POU6F2: variants seen among roughly 807,000 people sequenced by gnomAD.
POU6F2 encodes POU domain, class 6, transcription factor 2.
POU6F2 carries 31 observed loss-of-function variants against 71.3 expected under a neutral mutation model. The ratio of observed to expected loss-of-function variants is 0.43; its 90% CI spans 0.33 to 0.59. POU6F2 has a LOEUF of 0.59. Ranked by LOEUF, POU6F2 falls within the 20% of genes least tolerant of loss-of-function variation. POU6F2 has a pLI of 0.04. For synonymous variants in POU6F2, 347 were observed against 355.7 expected (o/e 0.98, Z 0.27); for missense variants, 783 against 856.8 (o/e 0.91, Z 1.07).
At position 39,451,519 on chromosome 7, in the gene POU6F2, A is replaced by C; in HGVS notation, c.1321-14A>C. The C allele has an allele frequency of 6.3e-7, 1 of 1,589,680 alleles. No homozygotes were observed. Among genetic ancestry groups the C allele is most frequent in the Non-Finnish European group, 8.6e-7 (1 of 1,165,044 alleles). ...TCATTCATTTGTGTATTTTTTTTAC[A>C]TCCCCTCATGTAGCTCCACCAACCC... On this transcript the variant is annotated splice_polypyrimidine_tract_variant and intron_variant, in intron 7 of 9. Coordinates refer to ENST00000518318, the MANE Select transcript of POU6F2 (RefSeq NM_001370959.1).
At chr7:39,246,701 C>T (rs903129041) in intron 4 of POU6F2, among the ~76,000 whole-genome samples, 2 of 152,092 alleles carry the variant, frequency 1.3e-5, no homozygotes, top group Non-Finnish European at 2.9e-5. Flanking sequence ...TCCTCATCAT[C>T]CATGGTGTAA....
chr7:39,035,007 A>T (rs1449271160), intron 1 of POU6F2, among the ~76,000 whole-genome samples: 2 of 151,772 alleles, frequency 1.3e-5, no homozygotes, highest in African/African-American at 4.8e-5. Flanking sequence ...GGTCTTTCTG[A>T]TTGGAAGGTA....
At chr7:39,291,583 G>A (rs767985049) in intron 4 of POU6F2, among the ~76,000 whole-genome samples, 3 of 152,108 alleles carry the variant, frequency 2.0e-5, no homozygotes, top group Non-Finnish European at 4.4e-5. Flanking sequence ...TCTCACTCTA[G>A]TGGCAATTTC....
chr7:39,369,304 C>G (rs1359985149), intron 5 of POU6F2, among the ~76,000 whole-genome samples: 1 of 152,076 alleles, frequency 6.6e-6, no homozygotes, highest in Non-Finnish European at 1.5e-5. Flanking sequence ...CAAGACCCTC[C>G]ATCAGCAAAA....
At chr7:39,256,877 C>A (rs776782027) in intron 4 of POU6F2, among the ~76,000 whole-genome samples, 2 of 152,162 alleles carry the variant, frequency 1.3e-5, no homozygotes, top group Non-Finnish European at 2.9e-5. Context: ...CATAGCCCAG[C>A]CGACACTTGA....
chr7:39,343,258 C>T (rs1785957632), intron 5 of POU6F2, among the ~76,000 whole-genome samples: 1 of 152,140 alleles, frequency 6.6e-6, no homozygotes, highest in East Asian at 1.9e-4. Context: ...TCCTTGGGTG[C>T]CAGGATGGAG....
rs113886959 is a variant in POU6F2 at position 39,169,909 on chromosome 7, G to A, written c.278-34326G>A. Among the ~76,000 whole-genome samples the A allele has an allele frequency of 7.1e-3, 1,080 of 152,202 alleles. 9 individuals carry two copies. Among genetic ancestry groups the A allele is most frequent in the African/African-American group, 0.025 (1,033 of 41,536 alleles). On this transcript the variant is annotated intron_variant, in intron 2 of 9. Transcript: ENST00000518318. ...ATTGAATTCAAAGGTAAGGCTGGGCGCGGTGGCTCATGCCTGTAATCCCAG... is the reference window on the plus strand; with the variant it reads ...ATTGAATTCAAAGGTAAGGCTGGGCACGGTGGCTCATGCCTGTAATCCCAG...
In POU6F2 at chr7:39,433,079, TATCG is replaced by T. The variant is rs1339105647; in HGVS notation, c.1117_1120del (p.Ile373GlyfsTer5). ...TCACCTTTGGCCCTCTCTTGCAGAT[TATCG>T]GGACCATTCCACTGATGCCTAATCC... On this transcript the variant is annotated frameshift_variant, in exon 7 of 10. Coordinates refer to ENST00000518318, the MANE Select transcript of POU6F2 (RefSeq NM_001370959.1). LOFTEE classifies it high-confidence loss of function. 6.2e-7 allele frequency: 1 copy of T among 1,612,482 alleles called. No homozygotes were observed. The highest frequency in any genetic ancestry group is 8.5e-7 in the Non-Finnish European group (1 of 1,179,136).
At chr7:39,214,762 G>A (rs1161576522) in intron 4 of POU6F2, among the ~76,000 whole-genome samples, 1 of 152,168 alleles carries the variant, frequency 6.6e-6, no homozygotes, top group Non-Finnish European at 1.5e-5. Flanking sequence ...AGAGAAGAAG[G>A]CATGAGGAGA....
rs576264564 is a variant in POU6F2 at position 39,352,860 on chromosome 7, T to C, written c.972+12845T>C. 4.6e-5 allele frequency among the ~76,000 whole-genome samples: 7 copies of C among 152,220 alleles called. No individual in the cohort carries two copies. The South Asian group carries it at 1.5e-3, about 32-fold the overall frequency. The stretch of plus-strand genomic sequence containing the variant: ...GCTTCCATCACCCAGGTAATGAACA[T>C]AGTGCCCAAAAAAAGGAACTTTTGC... On this transcript the variant is annotated intron_variant, in intron 5 of 9. Coordinates refer to ENST00000518318, the MANE Select transcript of POU6F2 (RefSeq NM_001370959.1).
intron 4 of POU6F2, among the ~76,000 whole-genome samples, chr7:39,238,146 A>G (rs568070460): frequency 6.6e-6 from 1 of 152,292 alleles, no homozygotes; most frequent in African/African-American, 2.4e-5. Flanking sequence ...AGAGCACTGG[A>G]TTCAAATCAC....
intron 2 of POU6F2, among the ~76,000 whole-genome samples, chr7:39,125,978 G>A (rs932082445): frequency 7.2e-5 from 11 of 152,174 alleles, no homozygotes; most frequent in Non-Finnish European, 1.6e-4. Flanking sequence ...CTCCTGAATG[G>A]TGCCTGTCTC....
chr7:39,168,259 C>G (rs923348224), intron 2 of POU6F2, among the ~76,000 whole-genome samples: 6 of 152,032 alleles, frequency 3.9e-5, no homozygotes, highest in African/African-American at 1.4e-4. Flanking sequence ...TAAAATTGTC[C>G]GAACATTTTT....
chr7:39,449,588 C>T (rs1406060447), intron 7 of POU6F2, among the ~76,000 whole-genome samples: 1 of 152,088 alleles, frequency 6.6e-6, no homozygotes, highest in East Asian at 1.9e-4. Context: ...AATAGTTCCA[C>T]TCCTAGGTAT....
At position 39,451,552 on chromosome 7, in the gene POU6F2, C is replaced by T. The variant is rs374384343; in HGVS notation, c.1340C>T (p.Thr447Met). 21 of 1,613,434 alleles carry T rather than the reference C, an allele frequency of 1.3e-5. No individual in the cohort carries two copies. The highest frequency in any genetic ancestry group is 1.7e-5 in the Non-Finnish European group (20 of 1,179,684). The change falls in exon 8 of 10, where the codon ACG (threonine) becomes ATG (methionine). Residue 447 changes from threonine (T) to methionine (M), a missense_variant. Physicochemically the swap from Thr to Met is moderately conservative, Grantham distance 81. This residue lies in a region of POU6F2 where 572 missense variants were observed against 572.9 expected (regional missense o/e 1.00). Coordinates refer to ENST00000518318, the MANE Select transcript of POU6F2 (RefSeq NM_001370959.1). ...ATGTAGCTCCACCAACCCTCCCAGA[C>T]GTCAGTGGGTCAAGCAGCCTCCCAA... Reference protein sequence around the residue: ...PGQQLHQPSQTSVGQAASQGN... With the variant: ...PGQQLHQPSQMSVGQAASQGN...
At position 39,116,033 on chromosome 7, in the gene POU6F2, G is replaced by A. The variant is rs373215200; in HGVS notation, c.277+30002G>A. On this transcript the variant is annotated intron_variant, in intron 2 of 9. Coordinates refer to ENST00000518318, the MANE Select transcript of POU6F2 (RefSeq NM_001370959.1). Reference sequence around the variant, plus strand: ...TGGGCAAAACCTACTCAGCAGACTCGCCTCTCCATCTGGACATTATCTTTT... The same window carrying A: ...TGGGCAAAACCTACTCAGCAGACTCACCTCTCCATCTGGACATTATCTTTT... Among the ~76,000 whole-genome samples, 21 of 152,192 alleles carry A rather than the reference G, an allele frequency of 1.4e-4. No individual in the cohort carries two copies. The East Asian group carries it at 3.5e-3, about 25-fold the overall frequency.
chr7:38,986,518 T>G (rs1471852875), intron 1 of POU6F2, among the ~76,000 whole-genome samples: 1 of 152,132 alleles, frequency 6.6e-6, no homozygotes, highest in Non-Finnish European at 1.5e-5. Flanking sequence ...CTACCTTTAT[T>G]TATCAAATAG....
At chr7:39,262,985 C>T (rs1024865318) in intron 4 of POU6F2, among the ~76,000 whole-genome samples, 2 of 152,160 alleles carry the variant, frequency 1.3e-5, no homozygotes, top group South Asian at 2.1e-4. Flanking sequence ...ATGTTCTGCT[C>T]ATCTGATATA....
At chr7:39,398,393 A>T (rs1242063526) in intron 5 of POU6F2, among the ~76,000 whole-genome samples, 5 of 142,416 alleles carry the variant, frequency 3.5e-5, no homozygotes, top group Non-Finnish European at 6.2e-5. Context: ...TATAAAAGTA[A>T]AAAAAAAAAA....
Sources: allele counts gnomAD v4.1 joint callset (sites outside exome capture counted in the v4.1 genomes callset), GRCh38; gene constraint gnomAD v4.1.1; regional missense constraint gnomAD v4.1.1; transcripts MANE v1.5; gene names NCBI Gene and HGNC (gene_info 2026-07-23, HGNC 2026-07-21).